Variants in ROBO2 observed in about 807,000 individuals in gnomAD.
The protein encoded by ROBO2 is roundabout homolog 2.
In ROBO2, 53 loss-of-function variants were observed where a neutral mutation model predicts 160.8. The observed-to-expected ratio is 0.33, with a 90% CI of 0.26 to 0.41. ROBO2 has a LOEUF of 0.41. Ranked by LOEUF, ROBO2 falls within the 10% of genes least tolerant of loss-of-function variation. The pLI is 1.00. For synonymous variants in ROBO2, 664 were observed against 611.7 expected (o/e 1.09, Z -1.26); for missense variants, 1,577 against 1,722.4 (o/e 0.92, Z 1.49).
At chr3:76,865,536 ACT>A (rs2071278204) in intron 2 of ROBO2, among the ~76,000 whole-genome samples, 1 of 152,030 alleles carries the variant, frequency 6.6e-6, no homozygotes. Flanking sequence ...GTTCATCCAC[ACT>A]CTGAGTCACT....
At chr3:77,568,355 A>G in exon 13 of ROBO2, 1 of 1,613,086 alleles carries the variant, frequency 6.2e-7, no homozygotes, top group Non-Finnish European at 8.5e-7. Context: ...AGGCAAGTGC[A>G]GAAAGAGCTA....
At chr3:77,115,937 C>G (rs76261092) in intron 2 of ROBO2, among the ~76,000 whole-genome samples, 1 of 152,102 alleles carries the variant, frequency 6.6e-6, no homozygotes, top group Non-Finnish European at 1.5e-5. Flanking sequence ...CTGACCCCTT[C>G]GTGGCCCTGA....
rs370897186 is a variant in ROBO2, at chr3:76,388,725, A to G, written c.109+451123A>G. Among the ~76,000 whole-genome samples the G allele has an allele frequency of 1.1e-4, 16 of 152,146 alleles. No homozygotes were observed. The East Asian group carries it at 3.1e-3, about 29-fold the overall frequency. On this transcript the variant is annotated intron_variant, in intron 2 of 26. Coordinates refer to the ROBO2 transcript ENST00000487694. The stretch of plus-strand genomic sequence containing the variant: ...TTCAAGAAAATTAATGTTAATTGAT[A>G]ACTCTATTTTTTACCTTTCTGGCCA...
At chr3:77,453,884 C>T (rs983003303) in intron 2 of ROBO2, among the ~76,000 whole-genome samples, 4 of 152,068 alleles carry the variant, frequency 2.6e-5, no homozygotes, top group African/African-American at 9.7e-5. Flanking sequence ...ATAATATGAG[C>T]TTCCAGGAAG....
chr3:76,051,304 A>G (rs1221844678), intron 2 of ROBO2, among the ~76,000 whole-genome samples: 1 of 152,142 alleles, frequency 6.6e-6, no homozygotes, highest in Non-Finnish European at 1.5e-5. Flanking sequence ...AAGTTCCTCT[A>G]AAGAACCACC....
intron 2 of ROBO2, among the ~76,000 whole-genome samples, chr3:76,595,354 G>C (rs1234672381): frequency 6.6e-6 from 1 of 151,648 alleles, no homozygotes; most frequent in Non-Finnish European, 1.5e-5. Context: ...ATATAAAATG[G>C]GAATTATATA....
At chr3:77,630,908 G>T (rs957579337) in intron 23 of ROBO2, 1 of 151,006 alleles carries the variant, frequency 6.6e-6, no homozygotes, top group Non-Finnish European at 1.5e-5. Flanking sequence ...ACTATCCTCC[G>T]TTCCAGAGTT....
At chr3:76,046,444 T>G (rs2067450111) in intron 2 of ROBO2, among the ~76,000 whole-genome samples, 1 of 151,828 alleles carries the variant, frequency 6.6e-6, no homozygotes, top group Non-Finnish European at 1.5e-5. Flanking sequence ...GGTCAGGAGA[T>G]CGAGACCATC....
chr3:76,623,169 T>C (rs2089351600), intron 2 of ROBO2, among the ~76,000 whole-genome samples: 1 of 152,228 alleles, frequency 6.6e-6, no homozygotes. Context: ...TTTTTCAGTA[T>C]GTACATTGAC....
intron 18 of ROBO2, among the ~76,000 whole-genome samples, chr3:77,596,080 C>A (rs1255075555): frequency 6.6e-6 from 1 of 151,944 alleles, no homozygotes; most frequent in East Asian, 1.9e-4. Flanking sequence ...CTTAATATAC[C>A]CCTGATATTT....
intron 2 of ROBO2, among the ~76,000 whole-genome samples, chr3:76,600,604 A>C (rs2087066238): frequency 6.6e-6 from 1 of 152,086 alleles, no homozygotes; most frequent in Non-Finnish European, 1.5e-5. Flanking sequence ...ATCTTATGAG[A>C]CTCATTCACT....
intron 2 of ROBO2, among the ~76,000 whole-genome samples, chr3:76,248,187 C>T (rs941821624): frequency 9.9e-5 from 15 of 151,920 alleles, no homozygotes; most frequent in African/African-American, 1.5e-4. Flanking sequence ...AAGACACATG[C>T]GCACGTATGT....
At chr3:77,238,194 G>A (rs752192729) in intron 2 of ROBO2, among the ~76,000 whole-genome samples, 4 of 151,942 alleles carry the variant, frequency 2.6e-5, no homozygotes, top group East Asian at 1.9e-4. Flanking sequence ...CTATTCATTC[G>A]CTAGACATCT....
chr3:76,086,549 A>G (rs2069019701), intron 2 of ROBO2, among the ~76,000 whole-genome samples: 1 of 152,072 alleles, frequency 6.6e-6, no homozygotes, highest in Admixed American at 6.6e-5. Flanking sequence ...AAATACTAAT[A>G]ACTTCCTCTA....
chr3:76,947,121 C>A lies in ROBO2; in HGVS notation c.110-150893C>A, dbSNP rs2078602318. Among the ~76,000 whole-genome samples, 3 of 152,240 alleles carry A rather than the reference C, an allele frequency of 2.0e-5. No individual in the cohort carries two copies. The South Asian group carries it at 6.2e-4, about 32-fold the overall frequency. ...ATGCTAAACATTTCCACTTCTTTTA[C>A]ATGTACATTCATGTACTTAACTCGT... is the stretch of plus-strand genomic sequence containing the variant. On this transcript the variant is annotated intron_variant, in intron 2 of 26. Coordinates refer to the ROBO2 transcript ENST00000487694.
chr3:77,448,072 T>C (rs553603115), intron 2 of ROBO2, among the ~76,000 whole-genome samples: 3 of 152,274 alleles, frequency 2.0e-5, no homozygotes, highest in Admixed American at 2.0e-4. Flanking sequence ...ACATTGCTCA[T>C]TTTCCTACTG....
At chr3:76,418,730 A>G (rs2075863676) in intron 2 of ROBO2, among the ~76,000 whole-genome samples, 1 of 152,048 alleles carries the variant, frequency 6.6e-6, no homozygotes, top group Admixed American at 6.6e-5. Flanking sequence ...AAAAATGATG[A>G]AAATTTTCAA....
chr3:77,267,944 G>T (rs1223593736), intron 2 of ROBO2, among the ~76,000 whole-genome samples: 1 of 152,062 alleles, frequency 6.6e-6, no homozygotes, highest in Non-Finnish European at 1.5e-5. Context: ...ACACAACAGA[G>T]CACATTATTT....
At position 76,676,575 on chromosome 3, in the gene ROBO2, G is replaced by A. The variant is rs58031947; in HGVS notation, c.110-421439G>A. Reference sequence around the variant, plus strand: ...TGTGTGTGTGTGATTTCTTTTTTGCGTGCACGTTTGTTTTTCTAAAATGAG... The same window carrying A: ...TGTGTGTGTGTGATTTCTTTTTTGCATGCACGTTTGTTTTTCTAAAATGAG... On this transcript the variant is annotated intron_variant, in intron 2 of 26. Transcript: ENST00000487694. Among the ~76,000 whole-genome samples the A allele has an allele frequency of 1.3e-3, 195 of 152,006 alleles. 1 individual carries two copies. The highest frequency in any genetic ancestry group is 3.2e-3 in the Admixed American group (49 of 15,254).
Sources: allele counts gnomAD v4.1 joint callset (sites outside exome capture counted in the v4.1 genomes callset), GRCh38; gene constraint gnomAD v4.1.1; transcripts MANE v1.5; gene names NCBI Gene and HGNC (gene_info 2026-07-23, HGNC 2026-07-21).